Variants in FAM210A observed in about 807,000 individuals in gnomAD.
FAM210A encodes the protein mitochondrial inner membrane scaffold 1.
In FAM210A, 13 loss-of-function variants were observed where a neutral mutation model predicts 25.3. The ratio of observed to expected loss-of-function variants is 0.51; its 90% CI spans 0.33 to 0.82. The LOEUF (loss-of-function observed/expected upper bound fraction) is 0.82. FAM210A is among the 40% of genes least tolerant of loss of function. The pLI is 0.02. For missense variants in FAM210A, 319 were observed against 323.2 expected, an observed-to-expected ratio of 0.99 and a Z score of 0.10; for synonymous variants, 125 against 118.7, an observed-to-expected ratio of 1.05 and a Z score of -0.35.
At chr18:13,667,704 G>A (rs1311209636) in intron 3 of FAM210A, among the ~76,000 whole-genome samples, 4 of 151,378 alleles carry the variant, frequency 2.6e-5, no homozygotes, top group Non-Finnish European at 5.9e-5. Flanking sequence ...GGCGACAAGA[G>A]TGAAGCTACC....
At chr18:13,667,982 G>A (rs750119655) in intron 3 of FAM210A, among the ~76,000 whole-genome samples, 9 of 152,314 alleles carry the variant, frequency 5.9e-5, no homozygotes, top group Non-Finnish European at 1.0e-4. Context: ...AGGACTGCTC[G>A]AGTCTAGGAG....
At chr18:13,669,318 C>A (rs114233112) in intron 3 of FAM210A, among the ~76,000 whole-genome samples, 1,895 of 152,280 alleles carry the variant, frequency 0.012, 43 homozygotes, top group African/African-American at 0.04. Flanking sequence ...CAGTGGCTTT[C>A]CATGTCCTCA....
chr18:13,712,403 A>G (rs1053190467), intron 1 of FAM210A, among the ~76,000 whole-genome samples: 1 of 152,240 alleles, frequency 6.6e-6, no homozygotes, highest in African/African-American at 2.4e-5. Flanking sequence ...CAGTCATGTT[A>G]AAGACATTTT....
intron 1 of FAM210A, among the ~76,000 whole-genome samples, chr18:13,711,314 T>A (rs2043819434): frequency 6.6e-6 from 1 of 152,186 alleles, no homozygotes; most frequent in Non-Finnish European, 1.5e-5. Flanking sequence ...GAAGTTGCAG[T>A]GAGCCAGGAT....
chr18:13,714,020 T>TA (rs2043842029), intron 1 of FAM210A, among the ~76,000 whole-genome samples: 1 of 152,190 alleles, frequency 6.6e-6, no homozygotes, highest in African/African-American at 2.4e-5. Context: ...ATCTTCAGAG[T>TA]ACCTAAAATC....
At chr18:13,691,671 G>A (rs940790743) in intron 1 of FAM210A, among the ~76,000 whole-genome samples, 1 of 150,790 alleles carries the variant, frequency 6.6e-6, no homozygotes, top group Non-Finnish European at 1.5e-5. Context: ...AAGTGAAGGA[G>A]AAATAAAATA....
chr18:13,671,557 T>C (rs918215720), intron 3 of FAM210A, among the ~76,000 whole-genome samples: 7 of 152,042 alleles, frequency 4.6e-5, no homozygotes, highest in South Asian at 2.1e-4. Context: ...CTTTATTTTG[T>C]TATCTTGTTA....
chr18:13,670,414 A>G (rs946494324), intron 3 of FAM210A, among the ~76,000 whole-genome samples: 3 of 152,220 alleles, frequency 2.0e-5, no homozygotes, highest in Non-Finnish European at 4.4e-5. Context: ...AATTATAATA[A>G]AAGAGGAAAT....
At chr18:13,667,861 C>CCATCTCTT (rs1291206439) in intron 3 of FAM210A, among the ~76,000 whole-genome samples, 1 of 152,072 alleles carries the variant, frequency 6.6e-6, no homozygotes, top group Non-Finnish European at 1.5e-5. Flanking sequence ...TGAGACCCTG[C>CCATCTCTT]CATCTCTTAA....
chr18:13,665,034 G>GA lies in FAM210A; in HGVS notation c.*1445dup, dbSNP rs1451750579. 2.0e-5 allele frequency: 3 copies of GA among 152,764 alleles called. No individual in the cohort carries two copies. Among genetic ancestry groups the GA allele is most frequent in the African/African-American group, 7.2e-5 (3 of 41,432 alleles). 9.5% of individuals were successfully genotyped at this position (152,764 alleles called of 1,614,324 possible). Reference sequence around the variant, plus strand: ...GCAACGCTCACAGCTGACAACGGCTGAATTTCATTACAAGCAAATGATTTA... The same window carrying GA: ...GCAACGCTCACAGCTGACAACGGCTGAAATTTCATTACAAGCAAATGATTTA... On this transcript the variant is annotated 3_prime_UTR_variant, in exon 4 of 4. Coordinates refer to ENST00000651643, the MANE Select transcript of FAM210A (RefSeq NM_152352.4).
At chr18:13,680,296 T>C (rs1034430784) in intron 2 of FAM210A, among the ~76,000 whole-genome samples, 1 of 152,176 alleles carries the variant, frequency 6.6e-6, no homozygotes, top group Non-Finnish European at 1.5e-5. Flanking sequence ...ATTAATCATG[T>C]CCAAAAATGT....
chr18:13,712,238 G>A (rs1409896637), intron 1 of FAM210A, among the ~76,000 whole-genome samples: 1 of 152,100 alleles, frequency 6.6e-6, no homozygotes, highest in Non-Finnish European at 1.5e-5. Flanking sequence ...ATACTATTAA[G>A]ACACAGGGAA....
chr18:13,685,096 T>C (rs2149058273), intron 1 of FAM210A, among the ~76,000 whole-genome samples: 1 of 152,316 alleles, frequency 6.6e-6, no homozygotes, highest in South Asian at 2.1e-4. Flanking sequence ...CTTGTCCAAA[T>C]TCCTATCTAA....
intron 1 of FAM210A, among the ~76,000 whole-genome samples, chr18:13,694,882 T>A (rs976721195): frequency 6.6e-6 from 1 of 152,010 alleles, no homozygotes; most frequent in Non-Finnish European, 1.5e-5. Context: ...CTAATTAAAC[T>A]AAAGAGCTTC....
chr18:13,671,262 A>C (rs1455002758), intron 3 of FAM210A, among the ~76,000 whole-genome samples: 1 of 152,096 alleles, frequency 6.6e-6, no homozygotes, highest in South Asian at 2.1e-4. Context: ...TTGCCTATTA[A>C]ACTCTCTGCT....
In FAM210A at chr18:13,665,145, C is replaced by G. The variant is rs1178309825; in HGVS notation, c.*1335G>C. 2 of 152,004 alleles carry G rather than the reference C, an allele frequency of 1.3e-5. No individual in the cohort carries two copies. Among genetic ancestry groups the G allele is most frequent in the East Asian group, 3.9e-4 (2 of 5,174 alleles). The allele number at this position is 152,004 out of a possible 1,614,324, so 9.4% of individuals were successfully genotyped here. The stretch of plus-strand genomic sequence containing the variant: ...GGGCGTGGTGGTGGGCGCCTGTAGT[C>G]CCAGCTACTCGGGAGGCTGAGGTCA... On this transcript the variant is annotated 3_prime_UTR_variant, in exon 4 of 4. Transcript: ENST00000651643.
chr18:13,703,378 G>A (rs917637822), intron 1 of FAM210A, among the ~76,000 whole-genome samples: 51 of 152,174 alleles, frequency 3.4e-4, no homozygotes, highest in African/African-American at 1.2e-3. Flanking sequence ...CCTATAGGGG[G>A]TGGGCTAATT....
chr18:13,711,501 T>G (rs1338972897), intron 1 of FAM210A, among the ~76,000 whole-genome samples: 2 of 152,222 alleles, frequency 1.3e-5, no homozygotes, highest in Non-Finnish European at 2.9e-5. Context: ...GCAAGGAGCT[T>G]CTATTGATAC....
intron 2 of FAM210A, among the ~76,000 whole-genome samples, chr18:13,675,077 TC>T (rs1368784739): frequency 0.048 from 10 of 210 alleles, 1 homozygote; most frequent in Non-Finnish European, 0.13. Context: ...AGCCCCAACT[TC>T]ATTATTTCCA....
Sources: allele counts gnomAD v4.1 joint callset (sites outside exome capture counted in the v4.1 genomes callset), GRCh38; gene constraint gnomAD v4.1.1; transcripts MANE v1.5; gene names NCBI Gene and HGNC (gene_info 2026-07-23, HGNC 2026-07-21).